Variants in ACBD5 observed in about 807,000 individuals in gnomAD.
ACBD5 encodes the protein acyl-CoA-binding domain-containing protein 5.
Under a neutral mutation model 71.8 loss-of-function variants are expected in ACBD5, and 40 were observed. The observed-to-expected ratio is 0.56, with a 90% CI of 0.43 to 0.72. ACBD5 has a LOEUF of 0.72. Among genes scored for constraint, ACBD5 ranks in the 30% least tolerant of loss-of-function variants. The pLI, the probability that ACBD5 is intolerant of heterozygous loss-of-function variation, is 0.00. For synonymous variants in ACBD5, 229 were observed against 218.6 expected (o/e 1.05, Z -0.42); for missense variants, 559 against 644.5 (o/e 0.87, Z 1.44).
rs35272279 is a variant in ACBD5, at chr10:27,224,202, C to CAAAAA, written c.376-755_376-751dup. ...GCAACATAGTAAGGGCCCATTTCTACAAAAAAAAAAAAAAAAATTGTCTAA... is the reference window on the plus strand; with the variant it reads ...GCAACATAGTAAGGGCCCATTTCTACAAAAAAAAAAAAAAAAAAAAAATTGTCTAA... On this transcript the variant is annotated intron_variant, in intron 4 of 12. Coordinates refer to ENST00000396271, the MANE Select transcript of ACBD5 (RefSeq NM_145698.5). 3.1e-3 allele frequency among the ~76,000 whole-genome samples: 389 copies of CAAAAA among 124,626 alleles called. 20 individuals are homozygous for CAAAAA. In the East Asian group the frequency reaches 0.075, roughly 24 times the overall value. 81.8% of individuals were successfully genotyped at this position (124,626 alleles called of 152,430 possible).
At chr10:27,239,266 C>A (rs59935135) in intron 2 of ACBD5, among the ~76,000 whole-genome samples, 1 of 152,090 alleles carries the variant, frequency 6.6e-6, no homozygotes, top group Admixed American at 6.5e-5. Flanking sequence ...TTGAAAAGTA[C>A]GTCTTGCTTC....
At chr10:27,213,694 T>C (rs1006529211) in intron 8 of ACBD5, among the ~76,000 whole-genome samples, 1 of 151,452 alleles carries the variant, frequency 6.6e-6, no homozygotes, top group Non-Finnish European at 1.5e-5. Context: ...GAGGCGGAGG[T>C]TGCAGTGAGC....
intron 2 of ACBD5, among the ~76,000 whole-genome samples, chr10:27,235,690 G>T (rs1210345167): frequency 6.6e-6 from 1 of 152,164 alleles, no homozygotes; most frequent in Non-Finnish European, 1.5e-5. Context: ...TATACACTAT[G>T]GTAGAAAAAG....
chr10:27,218,120 T>C lies in ACBD5; in HGVS notation c.689A>G (p.Tyr230Cys), dbSNP rs2061878900. 3.1e-6 allele frequency: 5 copies of C among 1,614,054 alleles called. No homozygotes were observed. The highest frequency in any genetic ancestry group is 1.7e-5 in the Admixed American group (1 of 60,000). The change falls in exon 7 of 13, where the codon TAT (tyrosine) becomes TGT (cysteine). Residue 230 changes from tyrosine to cysteine, a missense_variant. Coordinates refer to ENST00000396271, the MANE Select transcript of ACBD5 (RefSeq NM_145698.5). The part of the protein sequence containing the change: ...KNLEVIVTNG[Y>C]DKDGFVQDIQ... ...ATCCTGAACAAAGCCATCTTTATCA[T>C]AGCCATTAGTGACAATGACTTCCAA...
intron 3 of ACBD5, among the ~76,000 whole-genome samples, chr10:27,234,228 T>G (rs2064319854): frequency 6.6e-6 from 1 of 152,164 alleles, no homozygotes; most frequent in Non-Finnish European, 1.5e-5. Context: ...TTCTTTTAGT[T>G]TATAGTTTAT....
chr10:27,194,612 A>AAATAATAATAATAAT (rs60916474), downstream of ACBD5, among the ~76,000 whole-genome samples: 299 of 135,578 alleles, frequency 2.2e-3, 1 homozygote, highest in Middle Eastern at 3.6e-3. Flanking sequence ...ACTCCATCTC[A>AAATAATAATAATAAT]AATAATAATA....
chr10:27,215,987 G>A (rs537963983), intron 7 of ACBD5, among the ~76,000 whole-genome samples: 17 of 152,116 alleles, frequency 1.1e-4, no homozygotes, highest in African/African-American at 2.4e-4. Context: ...TGATTCTCCC[G>A]CCTCAGCCTC....
At chr10:27,210,115 A>T (rs375969770) in intron 9 of ACBD5, among the ~76,000 whole-genome samples, 2 of 152,246 alleles carry the variant, frequency 1.3e-5, no homozygotes, top group African/African-American at 4.8e-5. Flanking sequence ...TATAAAAGAT[A>T]CTATTGTGTT....
intron 2 of ACBD5, among the ~76,000 whole-genome samples, chr10:27,238,540 A>C (rs2065052554): frequency 6.6e-6 from 1 of 152,196 alleles, no homozygotes; most frequent in East Asian, 1.9e-4. Flanking sequence ...ATACCTAAAT[A>C]AGTTCATGCT....
intron 12 of ACBD5, among the ~76,000 whole-genome samples, chr10:27,200,749 G>A (rs1431652234): frequency 3.3e-5 from 5 of 152,078 alleles, no homozygotes; most frequent in South Asian, 2.1e-4. Flanking sequence ...GTGAGCCACC[G>A]CGTCCGGCCT....
At chr10:27,201,916 A>C (rs1332776864) in intron 12 of ACBD5, among the ~76,000 whole-genome samples, 3 of 152,190 alleles carry the variant, frequency 2.0e-5, no homozygotes, top group Non-Finnish European at 4.4e-5. Context: ...TCCGTTTGCC[A>C]TCTTGCCCAA....
Position 27,205,245 on chromosome 10 carries a change from T to G in ACBD5, c.1408A>C (p.Lys470Gln). ...GTCTGCAATGTTGATGTTGATGATT[T>G]TGCCTGTAAATGCAAATGAAGGTGA... is the stretch of plus-strand genomic sequence containing the variant. ...KLETLTALQA[K>Q]SSTSTLQTAP... The change falls in exon 11 of 13, where the codon AAA becomes CAA. Residue 470 changes from lysine (K) to glutamine (Q), a missense_variant. Transcript: ENST00000396271. 1 of 1,613,212 alleles carries G rather than the reference T, an allele frequency of 6.2e-7. No individual in the cohort carries two copies. The highest frequency in any genetic ancestry group is 8.5e-7 in the Non-Finnish European group (1 of 1,179,676).
downstream of ACBD5, among the ~76,000 whole-genome samples, chr10:27,191,215 C>T (rs1276660950): frequency 6.6e-6 from 1 of 152,122 alleles, no homozygotes; most frequent in African/African-American, 2.4e-5. Flanking sequence ...CAAGGCGACA[C>T]ACCGTATGAT....
intron 3 of ACBD5, among the ~76,000 whole-genome samples, chr10:27,234,647 G>A (rs899236420): frequency 9.2e-5 from 14 of 152,256 alleles, no homozygotes; most frequent in African/African-American, 3.4e-4. Flanking sequence ...GAGCACCTGG[G>A]AAGGCTGGGC....
In ACBD5 at chr10:27,240,327, G is replaced by A. The variant is rs1440980274; in HGVS notation, c.173C>T (p.Pro58Leu). 2.5e-6 allele frequency: 4 copies of A among 1,613,882 alleles called. No individual in the cohort carries two copies. Among genetic ancestry groups the A allele is most frequent in the Admixed American group, 3.3e-5 (2 of 59,976 alleles). Residue 58 changes from proline to leucine, a missense_variant, in exon 2 of 13, where the codon CCG (proline) becomes CTG (leucine). Transcript: ENST00000396271. This position sits in a 1 kb window ranked among gnomAD's most constrained non-coding sequence, Gnocchi z 4.1. ...GGGCCCAGCGCACGTACCATTCTTCGGCAAACTCTGGATCACCTTCACGGC... is the reference window on the plus strand; with the variant it reads ...GGGCCCAGCGCACGTACCATTCTTCAGCAAACTCTGGATCACCTTCACGGC... ...EAAVKVIQSL[P>L]KNGSFQPTNE...
At chr10:27,229,614 T>C (rs2063594529) in intron 4 of ACBD5, among the ~76,000 whole-genome samples, 1 of 152,188 alleles carries the variant, frequency 6.6e-6, no homozygotes, top group Admixed American at 6.5e-5. Context: ...ATTAGTAAAT[T>C]ATTGAAATTA....
chr10:27,203,738 T>C (rs1157545176), intron 12 of ACBD5, among the ~76,000 whole-genome samples: 1 of 150,552 alleles, frequency 6.6e-6, no homozygotes, highest in East Asian at 2.0e-4. Context: ...AAACTCTGTC[T>C]CAAAAAAATA....
chr10:27,189,063 T>C (rs565325703), intron 13 of ACBD5, among the ~76,000 whole-genome samples: 2 of 152,296 alleles, frequency 1.3e-5, no homozygotes, highest in East Asian at 3.9e-4. Context: ...CTGGAGACAA[T>C]TCTAGAGTCT....
rs371717012 is a variant in ACBD5 at position 27,215,999 on chromosome 10, C to T, written c.830-358G>A. Among the ~76,000 whole-genome samples the T allele has an allele frequency of 4.6e-5, 7 of 151,288 alleles. 1 individual carries two copies. The highest frequency in any genetic ancestry group is 1.2e-4 in the African/African-American group (5 of 41,138). On this transcript the variant is annotated intron_variant, in intron 7 of 12. Transcript: ENST00000396271. ...AAGTGATTCTCCCGCCTCAGCCTCC[C>T]GAGTAGCTGGGATTACAGGTATGGG...
Sources: allele counts gnomAD v4.1 joint callset (sites outside exome capture counted in the v4.1 genomes callset), GRCh38; gene constraint gnomAD v4.1.1; non-coding constraint Gnocchi (gnomAD v3.1); transcripts MANE v1.5; gene names NCBI Gene and HGNC (gene_info 2026-07-23, HGNC 2026-07-21).